Variants in PPM1L observed in about 807,000 individuals in gnomAD.
The protein encoded by PPM1L is protein phosphatase, Mg2+/Mn2+ dependent 1L.
Under a neutral mutation model 31.4 loss-of-function variants are expected in PPM1L, and 13 were observed. That is an observed-to-expected ratio of 0.41 (90% confidence interval 0.27 to 0.66). The LOEUF (loss-of-function observed/expected upper bound fraction) is 0.66, where lower values mean the gene tolerates loss of function less well. PPM1L is among the 30% of genes least tolerant of loss of function. The pLI is 0.29. For synonymous variants in PPM1L, 184 were observed against 175.4 expected (o/e 1.05, Z -0.39); for missense variants, 326 against 453.7 (o/e 0.72, Z 2.56).
intron 1 of PPM1L, among the ~76,000 whole-genome samples, chr3:160,850,415 G>A (rs1328853771): frequency 6.6e-6 from 1 of 152,118 alleles, no homozygotes; most frequent in Non-Finnish European, 1.5e-5. Context: ...TCCAAACCCT[G>A]TCTTTTTGGG....
chr3:160,955,506 G>C (rs1014279440), intron 1 of PPM1L, among the ~76,000 whole-genome samples: 1 of 151,778 alleles, frequency 6.6e-6, no homozygotes, highest in Non-Finnish European at 1.5e-5. Context: ...TGTAAAATGT[G>C]TTTTTCTAGT....
intron 1 of PPM1L, among the ~76,000 whole-genome samples, chr3:160,789,142 T>C (rs962434851): frequency 6.6e-6 from 1 of 151,950 alleles, no homozygotes; most frequent in Non-Finnish European, 1.5e-5. Flanking sequence ...AAGATTTCTA[T>C]TATGGATTTA....
Position 160,756,586 on chromosome 3 carries a change from T to C in PPM1L, c.278T>C (p.Val93Ala). The change falls in exon 1 of 4, where the codon GTG becomes GCG. Residue 93 changes from valine (V) to alanine (A), a missense_variant. Around this residue, in one of 3 missense-constraint regions of PPM1L, gnomAD observed 83 missense variants for 79.4 expected, o/e 1.04. Transcript: ENST00000498165. The surrounding 1 kb of genome is among the most constrained non-coding windows in gnomAD (Gnocchi z 6.2). ...ACCTGGGAGTTCAAGAACCACAACGTGGCGGTGTACTCCATCCAGGGCCGG... is the reference window on the plus strand; with the variant it reads ...ACCTGGGAGTTCAAGAACCACAACGCGGCGGTGTACTCCATCCAGGGCCGG... The part of the protein sequence containing the change: ...SKTWEFKNHN[V>A]AVYSIQGRRD... 6.2e-7 allele frequency: 1 copy of C among 1,614,074 alleles called. No individual in the cohort carries two copies. The highest frequency in any genetic ancestry group is 8.5e-7 in the Non-Finnish European group (1 of 1,180,018).
At position 161,045,213 on chromosome 3, in the gene PPM1L, C is replaced by T. The variant is rs151167329; in HGVS notation, c.575-20190C>T. Among the ~76,000 whole-genome samples the T allele has an allele frequency of 8.5e-3, 1,289 of 152,230 alleles. 20 individuals carry two copies. Among genetic ancestry groups the T allele is most frequent in the African/African-American group, 0.03 (1,249 of 41,528 alleles). ...CCACTGTCAACATTAGACAGATCAA[C>T]GAGACACAAAGTTAACAAGGATATC... On this transcript the variant is annotated intron_variant, in intron 2 of 3. Coordinates refer to ENST00000498165, the MANE Select transcript of PPM1L (RefSeq NM_139245.4).
intron 1 of PPM1L, among the ~76,000 whole-genome samples, chr3:160,870,302 G>A (rs1035414767): frequency 6.6e-6 from 1 of 152,190 alleles, no homozygotes; most frequent in African/African-American, 2.4e-5. Flanking sequence ...TCACGAAGCA[G>A]TTGTCCTCCA....
At position 161,069,778 on chromosome 3, in the gene PPM1L, G is replaced by C. The variant is rs1304811709; in HGVS notation, c.*621G>C. 1 of 153,134 alleles carries C rather than the reference G, an allele frequency of 6.5e-6. No homozygotes were observed. The highest frequency in any genetic ancestry group is 1.5e-5 in the Non-Finnish European group (1 of 68,744). 9.5% of individuals were successfully genotyped at this position (153,134 alleles called of 1,614,324 possible). A position where few individuals can be genotyped will look rare whatever the true frequency, so the allele number is the denominator to read the frequency against. On this transcript the variant is annotated 3_prime_UTR_variant, in exon 4 of 4. Coordinates refer to ENST00000498165, the MANE Select transcript of PPM1L (RefSeq NM_139245.4). ...AATGAGAGACCAGTGGCAACTGCCT[G>C]CACAGCAGAGATAACCCTCTTCCCT...
At position 161,050,817 on chromosome 3, in the gene PPM1L, C is replaced by G. The variant is rs114343441; in HGVS notation, c.575-14586C>G. Among the ~76,000 whole-genome samples, 636 of 152,212 alleles carry G rather than the reference C, an allele frequency of 4.2e-3. 3 individuals carry two copies. The highest frequency in any genetic ancestry group is 0.015 in the African/African-American group (612 of 41,528). ...CTTTAAGTAATTCTATGAGGTCAAT[C>G]CTTGTACATAAAGCTCAGTTCAAAT... On this transcript the variant is annotated intron_variant, in intron 2 of 3. Transcript: ENST00000498165.
At chr3:160,799,175 A>G (rs1576642742) in intron 1 of PPM1L, among the ~76,000 whole-genome samples, 1 of 152,370 alleles carries the variant, frequency 6.6e-6, no homozygotes, top group Middle Eastern at 3.4e-3. Flanking sequence ...CAAAGGATTT[A>G]GAATGTTACA....
intron 1 of PPM1L, among the ~76,000 whole-genome samples, chr3:160,885,281 A>G (rs1009507963): frequency 6.6e-6 from 1 of 152,228 alleles, no homozygotes; most frequent in African/African-American, 2.4e-5. Context: ...AAATATAAAT[A>G]GATTTATGTA....
chr3:160,806,892 AAG>A lies in PPM1L; in HGVS notation c.399+50195_399+50196del, dbSNP rs199837070. The stretch of plus-strand genomic sequence containing the variant: ...AAGGAAAGGGAGGAAGGAAGAAAGA[AAG>A]AGAGAGAGAAAGAAAGAGAAGGAAA... On this transcript the variant is annotated intron_variant, in intron 1 of 3. Transcript: ENST00000498165. 2.1e-4 allele frequency among the ~76,000 whole-genome samples: 31 copies of A among 151,200 alleles called. 4 individuals carry two copies. Among genetic ancestry groups the A allele is most frequent in the South Asian group, 4.2e-4 (2 of 4,722 alleles).
At chr3:160,898,702 A>G (rs1713430301) in intron 1 of PPM1L, among the ~76,000 whole-genome samples, 2 of 152,180 alleles carry the variant, frequency 1.3e-5, no homozygotes, top group Non-Finnish European at 2.9e-5. Context: ...TTCTAATTCA[A>G]TTCAGCAGAC....
intron 2 of PPM1L, among the ~76,000 whole-genome samples, chr3:161,005,257 A>T (rs530985318): frequency 2.3e-3 from 352 of 152,270 alleles, no homozygotes; most frequent in African/African-American, 8.3e-3. Flanking sequence ...GTTTGATTGC[A>T]CTGTGGATCT....
Position 160,756,633 on chromosome 3 carries a change from T to C in PPM1L, c.325T>C (p.Phe109Leu), listed in dbSNP as rs748946217. 1 of 1,614,144 alleles carries C rather than the reference T, an allele frequency of 6.2e-7. No homozygotes were observed. The highest frequency in any genetic ancestry group is 8.5e-7 in the Non-Finnish European group (1 of 1,180,024). Residue 109 changes from phenylalanine (F) to leucine (L), a missense_variant, in exon 1 of 4, where the codon TTC becomes CTC. Around this residue, in one of 3 missense-constraint regions of PPM1L, gnomAD observed 83 missense variants for 79.4 expected, o/e 1.04. Coordinates refer to ENST00000498165, the MANE Select transcript of PPM1L (RefSeq NM_139245.4). This position sits in a 1 kb window ranked among gnomAD's most constrained non-coding sequence, Gnocchi z 6.2. ...QGRRDHMEDR[F>L]EVLTDLANKT... ...CCGGAGAGACCACATGGAGGACCGC[T>C]TCGAAGTTCTCACGGATCTGGCCAA...
At chr3:160,886,630 T>C (rs1007831847) in intron 1 of PPM1L, among the ~76,000 whole-genome samples, 3 of 151,884 alleles carry the variant, frequency 2.0e-5, no homozygotes, top group Non-Finnish European at 2.9e-5. Context: ...GACCTGACCA[T>C]TGAAAGAAAG....
At chr3:160,960,376 AC>A (rs1715914897) in intron 1 of PPM1L, among the ~76,000 whole-genome samples, 1 of 151,960 alleles carries the variant, frequency 6.6e-6, no homozygotes, top group Non-Finnish European at 1.5e-5. Flanking sequence ...ACATTCAAAA[AC>A]CTTTATTCTA....
At chr3:160,914,018 A>G (rs1001865487) in intron 1 of PPM1L, among the ~76,000 whole-genome samples, 6 of 152,192 alleles carry the variant, frequency 3.9e-5, no homozygotes, top group Admixed American at 2.6e-4. Flanking sequence ...TGTTTTCCAA[A>G]ATGGTTGTAT....
intron 2 of PPM1L, among the ~76,000 whole-genome samples, chr3:161,005,222 G>A (rs1295763208): frequency 6.6e-6 from 1 of 152,138 alleles, no homozygotes; most frequent in Non-Finnish European, 1.5e-5. Context: ...GCGGTTTTGA[G>A]TGAGATTCTT....
chr3:160,910,254 T>TC, intron 1 of PPM1L, among the ~76,000 whole-genome samples: 1 of 39,856 alleles, frequency 2.5e-5, no homozygotes. Flanking sequence ...CCTTTCCCCT[T>TC]CCCCTTTCCC....
chr3:160,920,639 TCACA>T (rs1224798497), intron 1 of PPM1L, among the ~76,000 whole-genome samples: 106 of 63,398 alleles, frequency 1.7e-3, no homozygotes, highest in East Asian at 3.2e-3. Flanking sequence ...ACACACACAC[TCACA>T]CACACACACA....
Sources: gnomAD v4.1 joint callset for allele counts (sites outside exome capture counted in the v4.1 genomes callset) on GRCh38, gnomAD v4.1.1 for gene constraint, gnomAD v4.1.1 regional missense constraint, Gnocchi (gnomAD v3.1) non-coding constraint, MANE v1.5 for transcripts, NCBI Gene and HGNC (gene_info 2026-07-23, HGNC 2026-07-21) for gene names.